Variants in FAXDC2 observed in about 807,000 individuals in gnomAD.
FAXDC2 encodes fatty acid hydroxylase domain-containing protein 2.
FAXDC2 carries 41 observed loss-of-function variants against 40.9 expected under a neutral mutation model. The ratio of observed to expected loss-of-function variants is 1.00; its 90% CI spans 0.78 to 1.30. FAXDC2 has a LOEUF of 1.30. Ranked by LOEUF, FAXDC2 falls within the 50% of genes most tolerant of loss-of-function variation. FAXDC2 has a pLI of 0.00. For missense variants in FAXDC2, 390 were observed against 408.8 expected (o/e 0.95, Z 0.40); for synonymous variants, 157 against 149.3 (o/e 1.05, Z -0.38).
At chr5:154,841,073 A>G (rs527494335) in intron 1 of FAXDC2, among the ~76,000 whole-genome samples, 1 of 152,286 alleles carries the variant, frequency 6.6e-6, no homozygotes, top group Non-Finnish European at 1.5e-5. Flanking sequence ...CCAGGGAGAC[A>G]CTGTCTGACT....
At chr5:154,830,972 A>G in intron 4 of FAXDC2, 50 bp from the exon 5 acceptor site, 2 of 1,602,898 alleles carry the variant, frequency 1.2e-6, no homozygotes, top group Non-Finnish European at 1.7e-6. Context: ...TTCTCACAGC[A>G]CATAGACTAA....
chr5:154,825,058 T>TAAA lies in FAXDC2; in HGVS notation c.367-1469_367-1467dup, dbSNP rs70981952. ...GTGAGAGAGTGAGACCCAATCTTGT[T>TAAA]AAAAAAAAAAAAAAAAAAAAAAAGG... On this transcript the variant is annotated intron_variant, in intron 5 of 8. Coordinates refer to ENST00000326080, the MANE Select transcript of FAXDC2 (RefSeq NM_032385.5). 4.0e-3 allele frequency among the ~76,000 whole-genome samples: 363 copies of TAAA among 90,100 alleles called. 3 individuals are homozygous for TAAA. The highest frequency in any genetic ancestry group is 0.012 in the South Asian group (25 of 2,044). 59.1% of individuals were successfully genotyped at this position (90,100 alleles called of 152,430 possible).
intron 1 of FAXDC2, among the ~76,000 whole-genome samples, chr5:154,842,697 ATT>A (rs1235050932): frequency 1.9e-5 from 2 of 107,662 alleles, no homozygotes; most frequent in Non-Finnish European, 2.0e-5. Context: ...TAATTTTTGT[ATT>A]TTTTTTTTTT....
chr5:154,846,719 C>T (rs1264173858), intron 1 of FAXDC2, among the ~76,000 whole-genome samples: 1 of 151,758 alleles, frequency 6.6e-6, no homozygotes, highest in Non-Finnish European at 1.5e-5. Flanking sequence ...TGAATGGATA[C>T]TTCCTTAAAG....
chr5:154,826,420 T>C (rs1760037461), intron 5 of FAXDC2, among the ~76,000 whole-genome samples: 1 of 149,634 alleles, frequency 6.7e-6, no homozygotes, highest in Non-Finnish European at 1.5e-5. Context: ...TCCCAACTAC[T>C]GGGGAGGCTG....
rs1191171268 is a variant in FAXDC2 at position 154,834,685 on chromosome 5, C to T, written c.184G>A (p.Ala62Thr). The T allele has an allele frequency of 1.9e-6, 3 of 1,613,280 alleles. No homozygotes were observed. Among genetic ancestry groups the T allele is most frequent in the Non-Finnish European group, 2.5e-6 (3 of 1,179,872 alleles). ...GTAGTCAGCAGCCTCTCCCACTGGG[C>T]TTGCCAAAAGTAGCCAGAAGCACCC... ...FWGASGYFWQ[A>T]QWERLLTTFE... The change falls in exon 4 of 9, where the codon GCC becomes ACC. Residue 62 changes from alanine (A) to threonine (T), a missense_variant. Coordinates refer to ENST00000326080, the MANE Select transcript of FAXDC2 (RefSeq NM_032385.5).
At chr5:154,845,819 C>A (rs1227005924) in intron 1 of FAXDC2, among the ~76,000 whole-genome samples, 3 of 148,896 alleles carry the variant, frequency 2.0e-5, no homozygotes, top group Admixed American at 2.0e-4. Flanking sequence ...TGGAATCTTA[C>A]TCTGTTGCCA....
intron 1 of FAXDC2, chr5:154,838,991 T>C (rs1760418622): frequency 6.6e-6 from 1 of 152,148 alleles, no homozygotes; most frequent in African/African-American, 2.4e-5. Flanking sequence ...CCTTTAAAAA[T>C]GCAGCCTAAC....
At chr5:154,844,396 A>AT (rs1760548946) in intron 1 of FAXDC2, among the ~76,000 whole-genome samples, 1 of 151,894 alleles carries the variant, frequency 6.6e-6, no homozygotes, top group African/African-American at 2.4e-5. Flanking sequence ...AAAAAAAAAA[A>AT]AGAAAAAGAA....
Position 154,821,319 on chromosome 5 carries a change from G to A in FAXDC2, c.786C>T (p.His262=), listed in dbSNP as rs758444549. 10 of 1,610,442 alleles carry A rather than the reference G, an allele frequency of 6.2e-6. No homozygotes were observed. The East Asian group carries it at 9.0e-5, about 14-fold the overall frequency. ...SLALIITTIS[H]CGYHLPFLPS... ...GCAGGAAGGGAAGGTGGTAGCCACA[G>A]TGGGAGATGGTGGTGATGATGAGGG... Residue 262 remains histidine, a synonymous_variant, in exon 8 of 9, where the codon CAC becomes CAT. Coordinates refer to ENST00000326080, the MANE Select transcript of FAXDC2 (RefSeq NM_032385.5).
rs1454702422 is a variant in FAXDC2, at chr5:154,818,962, G to C, written c.*1354C>G. ...GAGACAGACAGGCGAGACTGTGGAAGGCCAGGGAGATGCTGCCTGGTAAGT... is the reference window on the plus strand; with the variant it reads ...GAGACAGACAGGCGAGACTGTGGAACGCCAGGGAGATGCTGCCTGGTAAGT... On this transcript the variant is annotated 3_prime_UTR_variant, in exon 9 of 9. Coordinates refer to ENST00000326080, the MANE Select transcript of FAXDC2 (RefSeq NM_032385.5). 6.6e-6 allele frequency: 1 copy of C among 152,264 alleles called. No individual in the cohort carries two copies. Among genetic ancestry groups the C allele is most frequent in the Non-Finnish European group, 1.5e-5 (1 of 68,078 alleles). 9.4% of individuals were successfully genotyped at this position (152,264 alleles called of 1,614,324 possible).
At chr5:154,841,154 G>C (rs1189083048) in intron 1 of FAXDC2, among the ~76,000 whole-genome samples, 1 of 152,128 alleles carries the variant, frequency 6.6e-6, no homozygotes, top group African/African-American at 2.4e-5. Flanking sequence ...ATGGGTTTCA[G>C]ACACTCTAGA....
chr5:154,828,449 A>G (rs573599813), intron 5 of FAXDC2, among the ~76,000 whole-genome samples: 9 of 152,272 alleles, frequency 5.9e-5, no homozygotes, highest in Non-Finnish European at 1.0e-4. Flanking sequence ...GATGTAGTAC[A>G]TGGATAGGGG....
At chr5:154,826,623 G>A (rs1205340674) in intron 5 of FAXDC2, among the ~76,000 whole-genome samples, 2 of 152,128 alleles carry the variant, frequency 1.3e-5, no homozygotes, top group African/African-American at 4.8e-5. Context: ...TCAAGGCTGA[G>A]GGAGTCAGCA....
intron 2 of FAXDC2, 82 bp downstream of exon 2, chr5:154,838,049 T>G: frequency 1.1e-6 from 1 of 901,466 alleles, no homozygotes; most frequent in South Asian, 1.4e-5. Context: ...GGGGGAGATG[T>G]TGGATGCATA....
intron 2 of FAXDC2, among the ~76,000 whole-genome samples, chr5:154,835,883 CTTTTTTTTTTTTTT>C (rs869068025): frequency 4.2e-5 from 2 of 47,866 alleles, no homozygotes; most frequent in South Asian, 6.6e-4. Flanking sequence ...GCCCGGCCGA[CTTTTTTTTTTTTTT>C]TTTTTTTTTT....
Position 154,843,280 on chromosome 5 carries a change from C to T in FAXDC2, c.1-5102G>A, listed in dbSNP as rs368065232. Among the ~76,000 whole-genome samples the T allele has an allele frequency of 1.2e-3, 187 of 152,320 alleles. 7 individuals carry two copies. In the South Asian group the frequency reaches 0.037, roughly 30 times the overall value. ...ACAAGTCCAAGTCTCCTAGCCTTTT[C>T]CCTGTCTTATCAACTCCATTATCTT... On this transcript the variant is annotated intron_variant, in intron 1 of 8. Transcript: ENST00000326080.
Position 154,822,489 on chromosome 5 carries a change from G to A in FAXDC2, c.661C>T (p.His221Tyr), listed in dbSNP as rs200115153. 5.5e-5 allele frequency: 89 copies of A among 1,611,310 alleles called. No homozygotes were observed. The African/African-American group carries it at 1.1e-3, about 19-fold the overall frequency. Residue 221 changes from histidine (H) to tyrosine (Y), a missense_variant, in exon 7 of 9, where the codon CAC becomes TAC. By Grantham distance (83) the His-to-Tyr change is moderately conservative. Transcript: ENST00000326080. ...APIGVISLYA[H>Y]PIEHAVSNML... Reference sequence around the variant, plus strand: ...CTACTCACTGCATGCTCTATAGGGTGGGCATAGAGAGAGATCACGCCAATG... The same window carrying A: ...CTACTCACTGCATGCTCTATAGGGTAGGCATAGAGAGAGATCACGCCAATG...
chr5:154,833,157 C>T (rs925093358), intron 4 of FAXDC2, among the ~76,000 whole-genome samples: 2 of 151,900 alleles, frequency 1.3e-5, no homozygotes, highest in Non-Finnish European at 2.9e-5. Flanking sequence ...GTGCCTCAGC[C>T]TCCTGAGTAG....
Sources: gnomAD v4.1 joint callset for allele counts (sites outside exome capture counted in the v4.1 genomes callset) on GRCh38, gnomAD v4.1.1 for gene constraint, MANE v1.5 for transcripts, NCBI Gene and HGNC (gene_info 2026-07-23, HGNC 2026-07-21) for gene names.